Variants in KCNQ1OT1 observed in about 807,000 individuals in gnomAD.
KCNQ1OT1 encodes KCNQ1 antisense RNA 2 (non-protein coding).
In KCNQ1OT1 at chr11:2,691,709, G is replaced by A. The variant is rs1214100668; in HGVS notation, n.8286C>T. On this transcript the variant is annotated non_coding_transcript_exon_variant, in exon 1 of 1. Transcript: ENST00000597346. The surrounding 1 kb of genome is among the most constrained non-coding windows in gnomAD (Gnocchi z 6.4). ...GGGGTCTCTCCCCATCTGTCCAGGG[G>A]AGAGGCAGCCCACAGGGAGCCACAC... The A allele has an allele frequency of 5.0e-6, 2 of 398,466 alleles. No homozygotes were observed. Among genetic ancestry groups the A allele is most frequent in the African/African-American group, 4.1e-5 (2 of 48,580 alleles). The allele number at this position is 398,466 out of a possible 1,614,324, so 24.7% of individuals were successfully genotyped here. A position where few individuals can be genotyped will look rare whatever the true frequency, so the allele number is the denominator to read the frequency against.
Position 2,676,221 on chromosome 11 carries a change from T to C in KCNQ1OT1, n.23774A>G. 1 of 398,694 alleles carries C rather than the reference T, an allele frequency of 2.5e-6. No homozygotes were observed. The highest frequency in any genetic ancestry group is 4.4e-6 in the Non-Finnish European group (1 of 226,070). 24.7% of individuals were successfully genotyped at this position (398,694 alleles called of 1,614,324 possible). A position where few individuals can be genotyped will look rare whatever the true frequency, so the allele number is the denominator to read the frequency against. ...ACTTCTTTTTGAGCTGTACATACAATGCTGATTTATTATGGTGCAGTACAT... is the reference window on the plus strand; with the variant it reads ...ACTTCTTTTTGAGCTGTACATACAACGCTGATTTATTATGGTGCAGTACAT... On this transcript the variant is annotated non_coding_transcript_exon_variant, in exon 1 of 1. Transcript: ENST00000597346. This position sits in a 1 kb window ranked among gnomAD's most constrained non-coding sequence, Gnocchi z 4.2.
chr11:2,624,944 T>C lies in KCNQ1OT1; in HGVS notation n.75051A>G, dbSNP rs564453091. The C allele has an allele frequency of 2.3e-5, 9 of 398,614 alleles. No homozygotes were observed. In the South Asian group the frequency reaches 1.0e-3, roughly 45 times the overall value. The allele number at this position is 398,614 out of a possible 1,614,324, so 24.7% of individuals were successfully genotyped here. A position where few individuals can be genotyped will look rare whatever the true frequency, so the allele number is the denominator to read the frequency against. ...CTATTTTTTTTAAAGCTGAATAATA[T>C]TACATTGTATGTATATACCACATTT... On this transcript the variant is annotated non_coding_transcript_exon_variant, in exon 1 of 1. Coordinates refer to ENST00000597346, the Ensembl canonical transcript of KCNQ1OT1. The surrounding 1 kb of genome is among the most constrained non-coding windows in gnomAD (Gnocchi z 4.9).
Position 2,627,781 on chromosome 11 carries a change from C to A in KCNQ1OT1, n.72214G>T. 1 of 398,368 alleles carries A rather than the reference C, an allele frequency of 2.5e-6. No homozygotes were observed. Among genetic ancestry groups the A allele is most frequent in the South Asian group, 1.3e-4 (1 of 7,708 alleles). The allele number at this position is 398,368 out of a possible 1,614,324, so 24.7% of individuals were successfully genotyped here. ...TTCCTTTCTTTTTGAGACAGGGTCT[C>A]CATCTGTCATCCAGGCAGGAGTACA... is the stretch of plus-strand genomic sequence containing the variant. On this transcript the variant is annotated non_coding_transcript_exon_variant, in exon 1 of 1. Transcript: ENST00000597346. The surrounding 1 kb of genome is among the most constrained non-coding windows in gnomAD (Gnocchi z 4.9).
chr11:2,644,158 C>T, exon 1 of KCNQ1OT1: 1 of 398,510 alleles, frequency 2.5e-6, no homozygotes, highest in Non-Finnish European at 4.4e-6. Flanking sequence ...GGGAAGTGTT[C>T]AGGTATTATT....
exon 1 of KCNQ1OT1, chr11:2,680,997 T>C: frequency 2.5e-6 from 1 of 398,492 alleles, no homozygotes; most frequent in East Asian, 3.6e-5. Flanking sequence ...GTGAAATAGG[T>C]ATGTGTTCTT....
chr11:2,632,051 C>T (rs1039471842), exon 1 of KCNQ1OT1: 13 of 396,224 alleles, frequency 3.3e-5, no homozygotes, highest in African/African-American at 1.6e-4. Flanking sequence ...GGCATAGCAG[C>T]GTGTGCCTGT....
At chr11:2,615,064 T>C (rs1054466911) in exon 1 of KCNQ1OT1, 25 of 398,340 alleles carry the variant, frequency 6.3e-5, no homozygotes, top group Middle Eastern at 6.3e-4. Context: ...TCTTCTTTAA[T>C]TTTTGTCAAC....
rs1850413479 is a variant in KCNQ1OT1, at chr11:2,682,402, G to A, written n.17593C>T. On this transcript the variant is annotated non_coding_transcript_exon_variant, in exon 1 of 1. Transcript: ENST00000597346. The surrounding 1 kb of genome is among the most constrained non-coding windows in gnomAD (Gnocchi z 5.8). ...AGGAGCATGAGGGTATAGGCTGGCT[G>A]TTTCTATTCAGTGTTTTATCTTCAG... is the stretch of plus-strand genomic sequence containing the variant. 7.5e-6 allele frequency: 3 copies of A among 398,530 alleles called. No individual in the cohort carries two copies. The highest frequency in any genetic ancestry group is 4.4e-5 in the Admixed American group (1 of 22,720). 24.7% of individuals were successfully genotyped at this position (398,530 alleles called of 1,614,324 possible). A position where few individuals can be genotyped will look rare whatever the true frequency, so the allele number is the denominator to read the frequency against.
chr11:2,650,330 C>T, exon 1 of KCNQ1OT1: 1 of 398,336 alleles, frequency 2.5e-6, no homozygotes, highest in South Asian at 1.3e-4. Context: ...TTTTTTCCCC[C>T]CAAGTTTTTT....
Position 2,687,974 on chromosome 11 carries a change from T to C in KCNQ1OT1, n.12021A>G. 2.5e-6 allele frequency: 1 copy of C among 398,772 alleles called. No homozygotes were observed. The highest frequency in any genetic ancestry group is 2.1e-5 in the African/African-American group (1 of 48,760). 24.7% of individuals were successfully genotyped at this position (398,772 alleles called of 1,614,324 possible). On this transcript the variant is annotated non_coding_transcript_exon_variant, in exon 1 of 1. Coordinates refer to ENST00000597346, the Ensembl canonical transcript of KCNQ1OT1. This position sits in a 1 kb window ranked among gnomAD's most constrained non-coding sequence, Gnocchi z 5.0. Reference sequence around the variant, plus strand: ...GGTCAGCCAGGCCGCTGCTTCCTGCTTCCCTTTGATGTCTCCTCGTGCGAG... The same window carrying C: ...GGTCAGCCAGGCCGCTGCTTCCTGCCTCCCTTTGATGTCTCCTCGTGCGAG...
rs1439289885 is a variant in KCNQ1OT1, at chr11:2,643,849, T to C, written n.56146A>G. The stretch of plus-strand genomic sequence containing the variant: ...TTATTTCTCCTTCATTTCTGACGAA[T>C]ATAACTTTGCTAAGTACAGTATTCC... On this transcript the variant is annotated non_coding_transcript_exon_variant, in exon 1 of 1. Transcript: ENST00000597346. 7.5e-6 allele frequency: 3 copies of C among 398,468 alleles called. No individual in the cohort carries two copies. In the East Asian group the frequency reaches 1.1e-4, roughly 14 times the overall value. 24.7% of individuals were successfully genotyped at this position (398,468 alleles called of 1,614,324 possible).
At chr11:2,681,147 A>G (rs1404040398) in exon 1 of KCNQ1OT1, 1 of 398,538 alleles carries the variant, frequency 2.5e-6, no homozygotes, top group Non-Finnish European at 4.4e-6. Flanking sequence ...ATTCTTACAT[A>G]GCAATTCTAC....
In KCNQ1OT1 at chr11:2,668,185, T is replaced by C. The variant is rs922931270; in HGVS notation, n.31810A>G. The C allele has an allele frequency of 2.5e-6, 1 of 398,630 alleles. No homozygotes were observed. Among genetic ancestry groups the C allele is most frequent in the East Asian group, 3.6e-5 (1 of 28,072 alleles). 24.7% of individuals were successfully genotyped at this position (398,630 alleles called of 1,614,324 possible). ...ATGCTCCTTGCTGACTGGTGCTCCA[T>C]TGTGTGCATGGCCTACATCATTCAT... On this transcript the variant is annotated non_coding_transcript_exon_variant, in exon 1 of 1. Coordinates refer to ENST00000597346, the Ensembl canonical transcript of KCNQ1OT1. The surrounding 1 kb of genome is among the most constrained non-coding windows in gnomAD (Gnocchi z 4.3).
At chr11:2,616,131 T>C in exon 1 of KCNQ1OT1, 1 of 398,118 alleles carries the variant, frequency 2.5e-6, no homozygotes, top group Non-Finnish European at 4.4e-6. Flanking sequence ...AATTTGTTGG[T>C]ATACAGTTAT....
chr11:2,662,960 C>T, exon 1 of KCNQ1OT1: 1 of 398,720 alleles, frequency 2.5e-6, no homozygotes, highest in Non-Finnish European at 4.4e-6. Flanking sequence ...CCCTGGGCCT[C>T]CTGCCTTTGC....
In KCNQ1OT1 at chr11:2,620,913, G is replaced by T. The variant is rs1849158759; in HGVS notation, n.79082C>A. On this transcript the variant is annotated non_coding_transcript_exon_variant, in exon 1 of 1. Transcript: ENST00000597346. This position sits in a 1 kb window ranked among gnomAD's most constrained non-coding sequence, Gnocchi z 4.5. ...CTGGTGTGAGATGGCATCCCATTAT[G>T]GTTTGGTGTTTTTTTGTTGTTGTTG... The T allele has an allele frequency of 2.0e-5, 8 of 394,988 alleles. No homozygotes were observed. The highest frequency in any genetic ancestry group is 3.5e-5 in the Non-Finnish European group (8 of 225,362). 24.5% of individuals were successfully genotyped at this position (394,988 alleles called of 1,614,324 possible).
rs928528115 is a variant in KCNQ1OT1 at position 2,691,640 on chromosome 11, T to C, written n.8355A>G. The C allele has an allele frequency of 5.0e-6, 2 of 398,424 alleles. No homozygotes were observed. Among genetic ancestry groups the C allele is most frequent in the African/African-American group, 4.1e-5 (2 of 48,596 alleles). The allele number at this position is 398,424 out of a possible 1,614,324, so 24.7% of individuals were successfully genotyped here. A position where few individuals can be genotyped will look rare whatever the true frequency, so the allele number is the denominator to read the frequency against. Reference sequence around the variant, plus strand: ...GCACGTACTGTGGGGAGGTCCTCTTTACCGCCACAGTTCCAAGGGTGAAAC... The same window carrying C: ...GCACGTACTGTGGGGAGGTCCTCTTCACCGCCACAGTTCCAAGGGTGAAAC... On this transcript the variant is annotated non_coding_transcript_exon_variant, in exon 1 of 1. Transcript: ENST00000597346. The surrounding 1 kb of genome is among the most constrained non-coding windows in gnomAD (Gnocchi z 6.4).
Position 2,623,177 on chromosome 11 carries a change from C to T in KCNQ1OT1, n.76818G>A, listed in dbSNP as rs1216870658. 7.5e-6 allele frequency: 3 copies of T among 398,574 alleles called. No individual in the cohort carries two copies. Among genetic ancestry groups the T allele is most frequent in the East Asian group, 3.6e-5 (1 of 28,092 alleles). 24.7% of individuals were successfully genotyped at this position (398,574 alleles called of 1,614,324 possible). ...CCATGGTAAAGATGTGCCTGCTTCT[C>T]CTTTGCCTTCCGCCATGATTTTAAG... On this transcript the variant is annotated non_coding_transcript_exon_variant, in exon 1 of 1. Coordinates refer to ENST00000597346, the Ensembl canonical transcript of KCNQ1OT1. This position sits in a 1 kb window ranked among gnomAD's most constrained non-coding sequence, Gnocchi z 5.2.
Position 2,668,350 on chromosome 11 carries a change from G to A in KCNQ1OT1, n.31645C>T, listed in dbSNP as rs899994808. 17 of 398,404 alleles carry A rather than the reference G, an allele frequency of 4.3e-5. No homozygotes were observed. The Admixed American group carries it at 7.5e-4, about 18-fold the overall frequency. 24.7% of individuals were successfully genotyped at this position (398,404 alleles called of 1,614,324 possible). Reference sequence around the variant, plus strand: ...GTGTGGAGCTGCAGGGTCCTGGGTGGGCATATGTTTACTCTTAGTGAATAC... The same window carrying A: ...GTGTGGAGCTGCAGGGTCCTGGGTGAGCATATGTTTACTCTTAGTGAATAC... On this transcript the variant is annotated non_coding_transcript_exon_variant, in exon 1 of 1. Coordinates refer to ENST00000597346, the Ensembl canonical transcript of KCNQ1OT1. This position sits in a 1 kb window ranked among gnomAD's most constrained non-coding sequence, Gnocchi z 4.3.
Sources: gnomAD v4.1 joint callset for allele counts on GRCh38, gnomAD v4.1.1 for gene constraint, Gnocchi (gnomAD v3.1) non-coding constraint, MANE v1.5 for transcripts, NCBI Gene and HGNC (gene_info 2026-07-23, HGNC 2026-07-21) for gene names.